PDZK1: variants seen among roughly 807,000 people sequenced by gnomAD.
The protein encoded by PDZK1 is PDZ domain containing 1, also known as Na(+)/H(+) exchange regulatory cofactor NHE-RF3.
PDZK1 carries 23 observed loss-of-function variants against 38.1 expected under a neutral mutation model. The ratio of observed to expected loss-of-function variants is 0.60; its 90% CI spans 0.43 to 0.85. The LOEUF is 0.85. PDZK1 is among the 40% of genes least tolerant of loss of function. PDZK1 has a pLI of 0.00. For synonymous variants in PDZK1, 98 were observed against 186.2 expected (o/e 0.53, Z 3.86); for missense variants, 297 against 504.3 (o/e 0.59, Z 3.94).
intron 6 of PDZK1, among the ~76,000 whole-genome samples, chr1:145,675,233 A>G (rs1166192841): frequency 6.7e-6 from 1 of 148,794 alleles, no homozygotes; most frequent in Non-Finnish European, 1.5e-5. Context: ...TTACAAGCCT[A>G]ACTGGCTGTT....
chr1:145,704,108 C>T (rs1245679552), intron 1 of PDZK1, among the ~76,000 whole-genome samples: 2 of 120,272 alleles, frequency 1.7e-5, no homozygotes, highest in African/African-American at 6.8e-5. Context: ...GGATTACAGG[C>T]GTGAGCCATC....
chr1:145,699,025 G>T (rs782119135), intron 1 of PDZK1, among the ~76,000 whole-genome samples: 14 of 152,030 alleles, frequency 9.2e-5, no homozygotes, highest in Non-Finnish European at 1.9e-4. Context: ...ATCACCTGAG[G>T]TCAGGAGTTT....
Position 145,686,680 on chromosome 1 carries a change from A to G in PDZK1, c.257T>C (p.Val86Ala). 1 of 1,566,358 alleles carries G rather than the reference A, an allele frequency of 6.4e-7. No homozygotes were observed. Among genetic ancestry groups the G allele is most frequent in the African/African-American group, 1.4e-5 (1 of 73,756 alleles). ...RKSGNSVTLL[V>A]LDGDSYEKAV... ...TTTCTCATAGGAATCCCCATCCAGA[A>G]CTAGTAAAGTCACTGAATTCCCACT... The change falls in exon 3 of 9, where the codon GTT (valine) becomes GCT (alanine). Residue 86 changes from valine (V) to alanine (A), a missense_variant. Physicochemically the swap from Val to Ala is moderately conservative, Grantham distance 64. Coordinates refer to ENST00000417171, the MANE Select transcript of PDZK1 (RefSeq NM_001201325.2).
At chr1:145,706,475 G>T (rs1469217200) in intron 1 of PDZK1, among the ~76,000 whole-genome samples, 3 of 152,148 alleles carry the variant, frequency 2.0e-5, no homozygotes, top group Non-Finnish European at 4.4e-5. Context: ...AGCTGCCCTG[G>T]TGACACATTG....
intron 1 of PDZK1, among the ~76,000 whole-genome samples, chr1:145,700,102 A>T (rs1167323196): frequency 6.6e-6 from 1 of 152,210 alleles, no homozygotes; most frequent in East Asian, 1.9e-4. Context: ...ACAGGAAGAA[A>T]TTACAGACTA....
intron 1 of PDZK1, among the ~76,000 whole-genome samples, chr1:145,699,713 A>T (rs1390766334): frequency 6.6e-6 from 1 of 152,222 alleles, no homozygotes; most frequent in Non-Finnish European, 1.5e-5. Flanking sequence ...CCAGATGTGT[A>T]TACAAAAGGG....
At chr1:145,703,424 G>T (rs1415237814) in intron 1 of PDZK1, among the ~76,000 whole-genome samples, 1 of 152,126 alleles carries the variant, frequency 6.6e-6, no homozygotes, top group Admixed American at 6.5e-5. Context: ...AACCAGCCTA[G>T]GTACTTTTTA....
Position 145,686,551 on chromosome 1 carries a change from G to C in PDZK1, c.386C>G (p.Thr129Ser). The change falls in exon 3 of 9, where the codon ACT becomes AGT. Residue 129 changes from threonine (T) to serine (S), a missense_variant. Transcript: ENST00000417171. ...LSPVMNGGVQ[T>S]WTQPRLCYLV... ...ATAGCAGAGCCGGGGCTGGGTCCAA[G>C]TTTGCACACCTCCATTCATCACAGG... The C allele has an allele frequency of 6.2e-7, 1 of 1,611,720 alleles. No homozygotes were observed.
chr1:145,674,427 A>G (rs1653431964), intron 6 of PDZK1: 1 of 378,926 alleles, frequency 2.6e-6, no homozygotes, highest in Non-Finnish European at 3.6e-6. Flanking sequence ...CCGGCAAAGC[A>G]TTATTTTGGT....
chr1:145,673,997 T>TA, intron 6 of PDZK1, 116 bp from the exon 7 acceptor site: 1 of 938,226 alleles, frequency 1.1e-6, no homozygotes, highest in Non-Finnish European at 1.5e-6. Context: ...CTTCTGGATG[T>TA]GTCTGATTGT....
Position 145,684,243 on chromosome 1 carries a change from T to C in PDZK1, c.461-1607A>G, listed in dbSNP as rs1654542788. On this transcript the variant is annotated intron_variant, in intron 3 of 8. Coordinates refer to ENST00000417171, the MANE Select transcript of PDZK1 (RefSeq NM_001201325.2). ...TTTTTTTTTGAGACGGAGTCTTGCT[T>C]TATCGCCCAGCCTGGAGTGCAGTGG... Among the ~76,000 whole-genome samples, 12 of 145,276 alleles carry C rather than the reference T, an allele frequency of 8.3e-5. 1 individual carries two copies. The South Asian group carries it at 2.7e-3, about 32-fold the overall frequency.
intron 6 of PDZK1, among the ~76,000 whole-genome samples, chr1:145,674,668 G>A (rs1653462571): frequency 1.3e-5 from 2 of 151,952 alleles, no homozygotes; most frequent in Admixed American, 1.3e-4. Context: ...TGCCAATCAG[G>A]GGTGATGCCA....
intron 2 of PDZK1, 51 bp downstream of exon 2, chr1:145,687,761 A>T (rs782371954): frequency 6.9e-7 from 1 of 1,445,060 alleles, no homozygotes. Context: ...AGCAGAGAAG[A>T]TGTGGGGGCT....
At chr1:145,687,544 A>T (rs1319981926) in intron 2 of PDZK1, among the ~76,000 whole-genome samples, 12 of 151,628 alleles carry the variant, frequency 7.9e-5, no homozygotes, top group Admixed American at 7.9e-4. Flanking sequence ...AAAAAAAAAA[A>T]AAATACCTAG....
At chr1:145,683,844 C>T (rs1353621154) in intron 3 of PDZK1, among the ~76,000 whole-genome samples, 1 of 149,706 alleles carries the variant, frequency 6.7e-6, no homozygotes, top group Non-Finnish European at 1.5e-5. Context: ...CACTTTACAG[C>T]CTTTTTTTTT....
At chr1:145,702,140 T>G (rs587727391) in intron 1 of PDZK1, among the ~76,000 whole-genome samples, 2 of 152,270 alleles carry the variant, frequency 1.3e-5, no homozygotes, top group East Asian at 3.9e-4. Flanking sequence ...TGAGTAGTTT[T>G]TATTTCTCAT....
intron 6 of PDZK1, among the ~76,000 whole-genome samples, chr1:145,677,910 TAAAAAA>T (rs71077285): frequency 2.9e-5 from 2 of 68,598 alleles, no homozygotes; most frequent in Admixed American, 2.0e-4. Context: ...GTGTTAAAAG[TAAAAAA>T]AAAAAAAAAA....
chr1:145,688,595 AG>A (rs1220929314), intron 1 of PDZK1, among the ~76,000 whole-genome samples: 6 of 152,170 alleles, frequency 3.9e-5, no homozygotes, highest in African/African-American at 1.4e-4. Context: ...CATTTCCTGA[AG>A]GAATGACACT....
intron 5 of PDZK1, among the ~76,000 whole-genome samples, chr1:145,679,804 C>T (rs587681935): frequency 2.8e-4 from 43 of 152,300 alleles, no homozygotes; most frequent in African/African-American, 9.4e-4. Context: ...AAACAACTCC[C>T]CATTGTCTGA....
Sources: gnomAD v4.1 joint callset for allele counts (sites outside exome capture counted in the v4.1 genomes callset) on GRCh38, gnomAD v4.1.1 for gene constraint, MANE v1.5 for transcripts, NCBI Gene and HGNC (gene_info 2026-07-23, HGNC 2026-07-21) for gene names.